The following CCBE1 variants were observed in gnomAD, a reference collection of about 807,000 sequenced individuals.
CCBE1 encodes the protein collagen and calcium-binding EGF domain-containing protein 1.
In CCBE1, 37 loss-of-function variants were observed where a neutral mutation model predicts 50.0. That is an observed-to-expected ratio of 0.74 (90% CI 0.57 to 0.97). The LOEUF (loss-of-function observed/expected upper bound fraction) is 0.97. Ranked by LOEUF, CCBE1 falls within the 50% of genes least tolerant of loss-of-function variation. The probability of loss-of-function intolerance (pLI) is 0.00; values close to 1 mark genes in which losing one functional copy is unlikely to be tolerated. For missense variants in CCBE1, 538 were observed against 523.8 expected (o/e 1.03, Z -0.26); for synonymous variants, 234 against 203.7 (o/e 1.15, Z -1.27).
chr18:59,657,130 C>T (rs980277040), intron 2 of CCBE1, among the ~76,000 whole-genome samples: 4 of 152,148 alleles, frequency 2.6e-5, no homozygotes, highest in Non-Finnish European at 5.9e-5. Context: ...ATTAAATTAC[C>T]CTGAAAGCTA....
intron 2 of CCBE1, among the ~76,000 whole-genome samples, chr18:59,584,372 G>T: frequency 8.7e-6 from 1 of 115,360 alleles, no homozygotes; most frequent in African/African-American, 3.3e-5. Flanking sequence ...AGGGGGGAGG[G>T]ATAGCATTAG....
intron 2 of CCBE1, among the ~76,000 whole-genome samples, chr18:59,624,423 T>C (rs1287802042): frequency 6.6e-6 from 1 of 152,220 alleles, no homozygotes; most frequent in Admixed American, 6.5e-5. Flanking sequence ...GCAATAGATT[T>C]ATGTTTTTTA....
At chr18:59,624,323 T>C (rs2053749909) in intron 2 of CCBE1, among the ~76,000 whole-genome samples, 1 of 152,242 alleles carries the variant, frequency 6.6e-6, no homozygotes, top group African/African-American at 2.4e-5. Flanking sequence ...CTTGGGACTC[T>C]GCTGCAAATG....
intron 2 of CCBE1, among the ~76,000 whole-genome samples, chr18:59,526,039 T>C (rs1475099516): frequency 6.6e-6 from 1 of 152,242 alleles, no homozygotes; most frequent in Non-Finnish European, 1.5e-5. Context: ...CCAAGCTTTG[T>C]TCTTTTTGCT....
At chr18:59,663,433 T>C (rs1241971781) in intron 2 of CCBE1, among the ~76,000 whole-genome samples, 1 of 152,204 alleles carries the variant, frequency 6.6e-6, no homozygotes, top group African/African-American at 2.4e-5. Context: ...AATGTGATTA[T>C]GAAGAGTGCC....
At chr18:59,588,046 T>C (rs2053203016) in intron 2 of CCBE1, among the ~76,000 whole-genome samples, 1 of 152,238 alleles carries the variant, frequency 6.6e-6, no homozygotes, top group Non-Finnish European at 1.5e-5. Context: ...ATATGTTGGT[T>C]CTTAAATTCA....
chr18:59,575,198 G>C (rs1401359004), intron 2 of CCBE1, among the ~76,000 whole-genome samples: 1 of 152,098 alleles, frequency 6.6e-6, no homozygotes, highest in Non-Finnish European at 1.5e-5. Context: ...TCAGCCTCTA[G>C]AACTATGAGA....
chr18:59,452,447 A>C (rs56211943), intron 6 of CCBE1, among the ~76,000 whole-genome samples: 16,984 of 152,072 alleles, frequency 0.11, 1,352 homozygotes, highest in African/African-American at 0.22. Context: ...AAAAAAAATT[A>C]GCGTGGCATG....
intron 2 of CCBE1, among the ~76,000 whole-genome samples, chr18:59,564,543 G>A (rs2564502): frequency 0.065 from 9,965 of 152,274 alleles, 447 homozygotes; most frequent in African/African-American, 0.13. Context: ...ATATGACAAT[G>A]TCTTCAGTAC....
Position 59,453,546 on chromosome 18 carries a change from G to C in CCBE1, c.654+1305C>G, listed in dbSNP as rs1009599045. On this transcript the variant is annotated intron_variant, in intron 6 of 10. Transcript: ENST00000439986. ...TCACGTCATCAGAGTCGTAAAAAAG[G>C]CCTGCAAACCATTTCTCTTCTCAGC... 2.6e-5 allele frequency among the ~76,000 whole-genome samples: 4 copies of C among 152,230 alleles called. No homozygotes were observed. The East Asian group carries it at 7.7e-4, about 29-fold the overall frequency.
intron 2 of CCBE1, among the ~76,000 whole-genome samples, chr18:59,490,274 C>T (rs1913034112): frequency 6.6e-6 from 1 of 152,028 alleles, no homozygotes; most frequent in Admixed American, 6.6e-5. Flanking sequence ...CGTGAGCCAC[C>T]ACACCCAGCC....
chr18:59,582,998 C>A (rs780418815), intron 2 of CCBE1, among the ~76,000 whole-genome samples: 3 of 152,044 alleles, frequency 2.0e-5, no homozygotes, highest in Non-Finnish European at 4.4e-5. Flanking sequence ...AAAAAATTTT[C>A]TTTTTGTAGA....
intron 2 of CCBE1, among the ~76,000 whole-genome samples, chr18:59,648,825 C>T (rs2054090163): frequency 6.6e-6 from 1 of 152,336 alleles, no homozygotes; most frequent in Non-Finnish European, 1.5e-5. Flanking sequence ...TTGAACAGGG[C>T]CCAACTGGCC....
chr18:59,483,591 A>C (rs1033178925), intron 2 of CCBE1, among the ~76,000 whole-genome samples: 1 of 152,246 alleles, frequency 6.6e-6, no homozygotes, highest in Non-Finnish European at 1.5e-5. Context: ...AACAAAATTT[A>C]TAAAAATTTC....
At chr18:59,614,202 A>G (rs1358176404) in intron 2 of CCBE1, among the ~76,000 whole-genome samples, 2 of 152,032 alleles carry the variant, frequency 1.3e-5, no homozygotes, top group Non-Finnish European at 2.9e-5. Context: ...ACAGGGTTTC[A>G]CCATGCCGGC....
intron 7 of CCBE1, among the ~76,000 whole-genome samples, chr18:59,440,761 C>G (rs1301809978): frequency 6.6e-6 from 1 of 152,130 alleles, no homozygotes; most frequent in Non-Finnish European, 1.5e-5. Context: ...CATCTCACCC[C>G]AAGGCCCAGA....
At chr18:59,615,029 C>A (rs2144591873) in intron 2 of CCBE1, among the ~76,000 whole-genome samples, 1 of 152,346 alleles carries the variant, frequency 6.6e-6, no homozygotes, top group Middle Eastern at 3.4e-3. Flanking sequence ...CATCCAATGA[C>A]AAATGCCTGA....
chr18:59,543,844 A>AAAAAAG (rs1555690330), intron 2 of CCBE1, among the ~76,000 whole-genome samples: 2 of 147,480 alleles, frequency 1.4e-5, no homozygotes, highest in African/African-American at 2.5e-5. Context: ...CAAAAAAAAA[A>AAAAAAG]AAAAAAAAAA....
chr18:59,447,847 G>T, intron 7 of CCBE1, 136 bp downstream of exon 7: 3 of 1,316,970 alleles, frequency 2.3e-6, no homozygotes, highest in Non-Finnish European at 3.2e-6. Flanking sequence ...GCATGGGTGT[G>T]TGGCAGTCCC....
Sources: gnomAD v4.1 joint callset for allele counts (sites outside exome capture counted in the v4.1 genomes callset) on GRCh38, gnomAD v4.1.1 for gene constraint, MANE v1.5 for transcripts, NCBI Gene and HGNC (gene_info 2026-07-23, HGNC 2026-07-21) for gene names.